SMARCC1: variants seen among roughly 807,000 people sequenced by gnomAD.
SMARCC1 encodes SWI/SNF complex subunit SMARCC1.
Under a neutral mutation model 147.4 loss-of-function variants are expected in SMARCC1, and 43 were observed. The ratio of observed to expected loss-of-function variants is 0.29; its 90% CI spans 0.23 to 0.38. SMARCC1 has a LOEUF of 0.38. Among genes scored for constraint, SMARCC1 ranks in the 10% least tolerant of loss-of-function variants. SMARCC1 has a pLI of 1.00. For missense variants in SMARCC1, 1,119 were observed against 1,381.1 expected (o/e 0.81, Z 3.01); for synonymous variants, 495 against 484.4 (o/e 1.02, Z -0.29).
intron 26 of SMARCC1, among the ~76,000 whole-genome samples, chr3:47,607,791 C>A (rs2032500201): frequency 6.6e-6 from 1 of 152,148 alleles, no homozygotes; most frequent in Non-Finnish European, 1.5e-5. Flanking sequence ...TGCCTATAAT[C>A]CAGCTACTTC....
intron 10 of SMARCC1, among the ~76,000 whole-genome samples, chr3:47,704,663 T>C (rs2033969278): frequency 6.6e-6 from 1 of 152,016 alleles, no homozygotes; most frequent in South Asian, 2.1e-4. Flanking sequence ...ACGCAAATAA[T>C]CCCAACACGT....
At chr3:47,668,238 T>C (rs994821019) in intron 19 of SMARCC1, among the ~76,000 whole-genome samples, 1 of 152,164 alleles carries the variant, frequency 6.6e-6, no homozygotes, top group African/African-American at 2.4e-5. Context: ...CCTCAAACTT[T>C]AGACTTTATA....
intron 2 of SMARCC1, among the ~76,000 whole-genome samples, chr3:47,758,713 T>C (rs1335031430): frequency 6.6e-6 from 1 of 152,136 alleles, no homozygotes; most frequent in Non-Finnish European, 1.5e-5. Context: ...TCTGTCCCTT[T>C]AATTAATTAA....
intron 2 of SMARCC1, among the ~76,000 whole-genome samples, chr3:47,755,260 T>C (rs1191913717): frequency 4.0e-5 from 6 of 151,236 alleles, no homozygotes; most frequent in African/African-American, 4.9e-5. Context: ...CGCAGCATTT[T>C]TGGAGGCTGA....
At chr3:47,683,680 C>T (rs376366129) in intron 14 of SMARCC1, among the ~76,000 whole-genome samples, 30 of 151,012 alleles carry the variant, frequency 2.0e-4, no homozygotes, top group African/African-American at 6.3e-4. Flanking sequence ...GCCGAGATTG[C>T]GCCGCTGCAC....
chr3:47,635,904 T>C (rs925291898), intron 23 of SMARCC1, 118 bp downstream of exon 23: 9 of 611,966 alleles, frequency 1.5e-5, no homozygotes, highest in African/African-American at 9.3e-5. Flanking sequence ...ATACTTATTG[T>C]TACATTAAGA....
chr3:47,690,775 G>A (rs1010418571), intron 12 of SMARCC1, among the ~76,000 whole-genome samples: 2 of 152,240 alleles, frequency 1.3e-5, no homozygotes, highest in African/African-American at 4.8e-5. Flanking sequence ...GATGGACACG[G>A]TGGCTTAATG....
intron 2 of SMARCC1, among the ~76,000 whole-genome samples, chr3:47,757,783 C>CAAAAAAAAA (rs60788109): frequency 9.4e-6 from 1 of 106,438 alleles, no homozygotes. Flanking sequence ...GGCTCCGTAT[C>CAAAAAAAAA]AAAAAAAAAA....
intron 21 of SMARCC1, among the ~76,000 whole-genome samples, chr3:47,645,886 A>C (rs1042463659): frequency 1.3e-5 from 2 of 152,252 alleles, no homozygotes; most frequent in African/African-American, 2.4e-5. Flanking sequence ...TCTATATGAT[A>C]ATAGTACAGA....
intron 19 of SMARCC1, among the ~76,000 whole-genome samples, chr3:47,663,326 TAA>T (rs1016754857): frequency 6.6e-6 from 1 of 150,472 alleles, no homozygotes; most frequent in African/African-American, 2.4e-5. Context: ...AAGGAAGCTA[TAA>T]AAAAAAGTAC....
chr3:47,765,088 C>A (rs747258580), intron 2 of SMARCC1, among the ~76,000 whole-genome samples: 2 of 152,018 alleles, frequency 1.3e-5, no homozygotes, highest in Non-Finnish European at 2.9e-5. Flanking sequence ...CCTGTCTCTA[C>A]CAAAAATGCA....
intron 26 of SMARCC1, chr3:47,603,535 T>C (rs2106658679): frequency 6.3e-6 from 1 of 157,678 alleles, no homozygotes; most frequent in South Asian, 1.9e-4. Context: ...TCCTCTGTGG[T>C]TCCCCATGTG....
At chr3:47,609,862 A>T (rs2032537541) in intron 26 of SMARCC1, among the ~76,000 whole-genome samples, 3 of 152,208 alleles carry the variant, frequency 2.0e-5, no homozygotes, top group African/African-American at 7.2e-5. Context: ...ACTCAACAAA[A>T]AGGCATCATA....
At chr3:47,771,273 G>A (rs1178225532) in intron 2 of SMARCC1, among the ~76,000 whole-genome samples, 1 of 152,108 alleles carries the variant, frequency 6.6e-6, no homozygotes, top group Non-Finnish European at 1.5e-5. Flanking sequence ...TAGTGATCAA[G>A]AACAGTCCCC....
At chr3:47,716,623 G>C (rs2034159837) in intron 7 of SMARCC1, among the ~76,000 whole-genome samples, 1 of 152,098 alleles carries the variant, frequency 6.6e-6, no homozygotes, top group Admixed American at 6.6e-5. Context: ...GTCTTAAAAT[G>C]TGTTATTTTG....
At chr3:47,633,779 T>TATAAAC (rs1367543059) in intron 24 of SMARCC1, among the ~76,000 whole-genome samples, 1 of 28,864 alleles carries the variant, frequency 3.5e-5, no homozygotes. Context: ...TATATATATA[T>TATAAAC]ACACACACAC....
In SMARCC1 at chr3:47,586,327, GA is replaced by G. The variant is rs1252732749; in HGVS notation, c.*1881del. 3 of 152,218 alleles carry G rather than the reference GA, an allele frequency of 2.0e-5. No individual in the cohort carries two copies. Among genetic ancestry groups the G allele is most frequent in the African/African-American group, 7.2e-5 (3 of 41,450 alleles). 9.4% of individuals were successfully genotyped at this position (152,218 alleles called of 1,614,324 possible). A position where few individuals can be genotyped will look rare whatever the true frequency, so the allele number is the denominator to read the frequency against. ...AGTATTTGGAATGAGTTTCCTTTGG[GA>G]AAGACTGGCAGGAAGTAGGTAAAAC... On this transcript the variant is annotated 3_prime_UTR_variant, in exon 28 of 28. Transcript: ENST00000254480.
chr3:47,688,022 G>A (rs2033746739), intron 13 of SMARCC1, among the ~76,000 whole-genome samples: 1 of 152,154 alleles, frequency 6.6e-6, no homozygotes, highest in African/African-American at 2.4e-5. Context: ...CACTTTGGGA[G>A]GCCGAGGCAG....
At chr3:47,757,788 A>G (rs931385756) in intron 2 of SMARCC1, among the ~76,000 whole-genome samples, 1 of 151,412 alleles carries the variant, frequency 6.6e-6, no homozygotes, top group Admixed American at 6.6e-5. Flanking sequence ...CGTATCAAAA[A>G]AAAAAAAAAA....
Sources: gnomAD v4.1 joint callset for allele counts (sites outside exome capture counted in the v4.1 genomes callset) on GRCh38, gnomAD v4.1.1 for gene constraint, MANE v1.5 for transcripts, NCBI Gene and HGNC (gene_info 2026-07-23, HGNC 2026-07-21) for gene names.